RXRG: variants seen among roughly 807,000 people sequenced by gnomAD.
The protein encoded by RXRG is retinoic acid receptor RXR-gamma.
In RXRG, 19 loss-of-function variants were observed where a neutral mutation model predicts 49.2. The ratio of observed to expected loss-of-function variants is 0.39; its 90% confidence interval spans 0.27 to 0.57. The LOEUF is 0.57. Among genes scored for constraint, RXRG ranks in the 20% least tolerant of loss-of-function variants. The pLI is 0.64. For missense variants in RXRG, 452 were observed against 592.5 expected, an observed-to-expected ratio of 0.76 and a Z score of 2.46; for synonymous variants, 224 against 216.6, an observed-to-expected ratio of 1.03 and a Z score of -0.30.
At chr1:165,422,737 C>T (rs1378903729) in intron 2 of RXRG, among the ~76,000 whole-genome samples, 2 of 152,146 alleles carry the variant, frequency 1.3e-5, no homozygotes, top group Non-Finnish European at 2.9e-5. Context: ...GAAATAATTA[C>T]CTGAAACCAT....
rs147554888 is a variant in RXRG, at chr1:165,422,888, G to A, written c.298-2874C>T. ...CAGAACCCCAAGATCCTGGATCTCA[G>A]ATCATCATTCCCCATTCACCACATT... On this transcript the variant is annotated intron_variant, in intron 2 of 9. Transcript: ENST00000359842. Among the ~76,000 whole-genome samples the A allele has an allele frequency of 1.2e-4, 19 of 152,310 alleles. No individual in the cohort carries two copies. In the East Asian group the frequency reaches 3.3e-3, roughly 26 times the overall value.
At chr1:165,413,828 A>G (rs1290137823) in intron 4 of RXRG, among the ~76,000 whole-genome samples, 1 of 152,146 alleles carries the variant, frequency 6.6e-6, no homozygotes, top group South Asian at 2.1e-4. Flanking sequence ...CAGGAAATGG[A>G]CGTGTTACGT....
chr1:165,426,361 C>G (rs1658486617), intron 2 of RXRG, among the ~76,000 whole-genome samples: 2 of 152,178 alleles, frequency 1.3e-5, no homozygotes, highest in Non-Finnish European at 2.9e-5. Context: ...CAGGGCAGCT[C>G]TCCACAGTCC....
intron 1 of RXRG, among the ~76,000 whole-genome samples, chr1:165,433,473 C>T (rs538378376): frequency 2.6e-5 from 4 of 152,308 alleles, no homozygotes; most frequent in East Asian, 1.9e-4. Flanking sequence ...CTGGAAAATG[C>T]ACCAAGTCTA....
intron 2 of RXRG, chr1:165,424,865 G>T: frequency 1.0e-6 from 1 of 985,496 alleles, no homozygotes; most frequent in Non-Finnish European, 1.2e-6. Context: ...CCAGAGTCCA[G>T]CTCACTGTAG....
intron 4 of RXRG, among the ~76,000 whole-genome samples, chr1:165,414,372 A>T (rs1262312905): frequency 6.6e-6 from 1 of 152,188 alleles, no homozygotes; most frequent in Non-Finnish European, 1.5e-5. Context: ...TTCCTTTTTT[A>T]AAAACATTTA....
rs1657554646 is a variant in RXRG at position 165,401,240 on chromosome 1, G to T, written c.*23C>A. 6.2e-7 allele frequency: 1 copy of T among 1,613,062 alleles called. No homozygotes were observed. Among genetic ancestry groups the T allele is most frequent in the Non-Finnish European group, 8.5e-7 (1 of 1,179,434 alleles). ...CACCTGCCCAGGGGTCATCCTGGGTGGGGAGGCTGTGGCTGGTGGGGCTCA... is the reference window on the plus strand; with the variant it reads ...CACCTGCCCAGGGGTCATCCTGGGTTGGGAGGCTGTGGCTGGTGGGGCTCA... On this transcript the variant is annotated 3_prime_UTR_variant, in exon 10 of 10. Coordinates refer to ENST00000359842, the MANE Select transcript of RXRG (RefSeq NM_006917.5).
At chr1:165,406,030 C>T (rs898060296) in intron 9 of RXRG, among the ~76,000 whole-genome samples, 4 of 152,212 alleles carry the variant, frequency 2.6e-5, no homozygotes, top group African/African-American at 4.8e-5. Flanking sequence ...CAGGCTTTTC[C>T]GTTTCATTTC....
intron 1 of RXRG, among the ~76,000 whole-genome samples, chr1:165,432,269 A>G (rs1321136923): frequency 6.6e-6 from 1 of 152,260 alleles, no homozygotes; most frequent in Non-Finnish European, 1.5e-5. Flanking sequence ...TTTGGTTCTC[A>G]ATGGCCTTTA....
chr1:165,420,055 A>G (rs764877345), intron 2 of RXRG, 41 bp from the exon 3 acceptor site: 19 of 1,484,850 alleles, frequency 1.3e-5, no homozygotes, highest in Non-Finnish European at 1.7e-5. Flanking sequence ...GAGCCAGAGT[A>G]AATTCAATCC....
At chr1:165,413,747 T>C (rs773294487) in intron 4 of RXRG, among the ~76,000 whole-genome samples, 9 of 152,120 alleles carry the variant, frequency 5.9e-5, no homozygotes, top group Non-Finnish European at 1.3e-4. Flanking sequence ...CCCAGTCCTA[T>C]ACAGGGTCTG....
chr1:165,428,337 T>C (rs1250542868), intron 2 of RXRG, among the ~76,000 whole-genome samples: 1 of 152,248 alleles, frequency 6.6e-6, no homozygotes, highest in Non-Finnish European at 1.5e-5. Context: ...CATTTCCTGA[T>C]CATTTCTGCA....
intron 1 of RXRG, among the ~76,000 whole-genome samples, chr1:165,444,459 A>G (rs1326240957): frequency 1.3e-5 from 2 of 152,216 alleles, no homozygotes; most frequent in Non-Finnish European, 2.9e-5. Context: ...TCTCATTACA[A>G]GTTGGCTAAT....
At chr1:165,424,131 A>G (rs1396871237) in intron 2 of RXRG, among the ~76,000 whole-genome samples, 1 of 152,178 alleles carries the variant, frequency 6.6e-6, no homozygotes, top group Non-Finnish European at 1.5e-5. Flanking sequence ...ACACTCAGAA[A>G]AATGTTTCCT....
In RXRG at chr1:165,411,076, C is replaced by T. The variant is rs780792192; in HGVS notation, c.656G>A (p.Arg219Gln). ...AGCACATTCTGCCTCACTCTCAGCT[C>T]GCTCTCGGCTCCTCTGTCTTTCTTC... Reference protein sequence around the residue: ...VQEERQRSRERAESEAECATS... With the variant: ...VQEERQRSREQAESEAECATS... Residue 219 changes from arginine (R) to glutamine (Q), a missense_variant, in exon 5 of 10, where the codon CGA becomes CAA. Physicochemically the swap from Arg to Gln is conservative, Grantham distance 43. Coordinates refer to ENST00000359842, the MANE Select transcript of RXRG (RefSeq NM_006917.5). The T allele has an allele frequency of 5.6e-6, 9 of 1,614,080 alleles. No homozygotes were observed. The highest frequency in any genetic ancestry group is 5.0e-5 in the Admixed American group (3 of 60,024).
Position 165,445,002 on chromosome 1 carries a change from T to C in RXRG, c.-109A>G. On this transcript the variant is annotated 5_prime_UTR_variant, in exon 1 of 10. Transcript: ENST00000359842. ...CTTCAACTTGGGCTAACAAGAGTGGTCATCGCTTCCTAGCAGCCCGGGGAG... is the reference window on the plus strand; with the variant it reads ...CTTCAACTTGGGCTAACAAGAGTGGCCATCGCTTCCTAGCAGCCCGGGGAG... The C allele has an allele frequency of 9.9e-7, 1 of 1,014,176 alleles. No individual in the cohort carries two copies. The highest frequency in any genetic ancestry group is 2.1e-4 in the Middle Eastern group (1 of 4,792). 62.8% of individuals were successfully genotyped at this position (1,014,176 alleles called of 1,614,324 possible). A position where few individuals can be genotyped will look rare whatever the true frequency, so the allele number is the denominator to read the frequency against.
rs1379360048 is a variant in RXRG, at chr1:165,437,988, C to A, written c.49+6857G>T. On this transcript the variant is annotated intron_variant, in intron 1 of 9. Coordinates refer to ENST00000359842, the MANE Select transcript of RXRG (RefSeq NM_006917.5). ...TAGATCTATAATAATTTGCAGCAGGCCTTAAAAGGGCCACTTTATCACTCT... is the reference window on the plus strand; with the variant it reads ...TAGATCTATAATAATTTGCAGCAGGACTTAAAAGGGCCACTTTATCACTCT... 2.6e-5 allele frequency among the ~76,000 whole-genome samples: 4 copies of A among 152,172 alleles called. No individual in the cohort carries two copies. The East Asian group carries it at 7.7e-4, about 29-fold the overall frequency.
intron 1 of RXRG, among the ~76,000 whole-genome samples, chr1:165,436,122 G>C (rs773598258): frequency 1.4e-4 from 21 of 152,298 alleles, no homozygotes; most frequent in Middle Eastern, 3.4e-3. Flanking sequence ...GAGCTGGATT[G>C]ACTGTCAAAG....
intron 2 of RXRG, chr1:165,424,831 A>C: frequency 1.0e-6 from 1 of 985,492 alleles, no homozygotes; most frequent in Non-Finnish European, 1.2e-6. Context: ...GGCAGGATGC[A>C]TAGGAATAAT....
Sources: gnomAD v4.1 joint callset for allele counts (sites outside exome capture counted in the v4.1 genomes callset) on GRCh38, gnomAD v4.1.1 for gene constraint, MANE v1.5 for transcripts, NCBI Gene and HGNC (gene_info 2026-07-23, HGNC 2026-07-21) for gene names.